DIP2C: variants seen among roughly 807,000 people sequenced by gnomAD.
The protein encoded by DIP2C is disco-interacting protein 2 homolog C.
A neutral mutation model predicts 192.4 loss-of-function variants in DIP2C; 33 were observed. The observed-to-expected ratio is 0.17, with a 90% CI of 0.13 to 0.23. DIP2C has a LOEUF of 0.23. Ranked by LOEUF, DIP2C falls within the 10% of genes least tolerant of loss-of-function variation. DIP2C has a pLI of 1.00. For missense variants in DIP2C, 1,537 were observed against 2,110.1 expected, an observed-to-expected ratio of 0.73 and a Z score of 5.32; for synonymous variants, 979 against 864.1, an observed-to-expected ratio of 1.13 and a Z score of -2.33.
intron 1 of DIP2C, among the ~76,000 whole-genome samples, chr10:612,774 G>A (rs1295109642): frequency 6.6e-6 from 1 of 152,148 alleles, no homozygotes; most frequent in Non-Finnish European, 1.5e-5. Flanking sequence ...TCATTGCTTT[G>A]AACAGAGTCT....
chr10:408,900 G>T, intron 9 of DIP2C, 26 bp downstream of exon 9: 1 of 1,610,596 alleles, frequency 6.2e-7, no homozygotes, highest in East Asian at 2.2e-5. Flanking sequence ...GTGTTTTGTA[G>T]ATCCAGCAGT....
intron 31 of DIP2C, among the ~76,000 whole-genome samples, chr10:321,636 CCGGCGAGAGACCGGCGCTGTTAGAA>C (rs1564551714): frequency 3.7e-4 from 39 of 105,832 alleles, no homozygotes; most frequent in East Asian, 1.3e-3. Flanking sequence ...GTGCGGGGCT[CCGGCGAGAGACCGGCGCTGTTAGAA>C]CAGTCAGTCG....
intron 28 of DIP2C, among the ~76,000 whole-genome samples, chr10:342,312 C>T (rs1293189626): frequency 1.3e-5 from 2 of 152,204 alleles, no homozygotes; most frequent in Non-Finnish European, 2.9e-5. Flanking sequence ...GCGCCCGCCA[C>T]CACGCCCGGC....
At chr10:448,803 G>A (rs1375658465) in intron 3 of DIP2C, among the ~76,000 whole-genome samples, 1 of 144,690 alleles carries the variant, frequency 6.9e-6, no homozygotes, top group Non-Finnish European at 1.5e-5. Flanking sequence ...CAGTGGGGCA[G>A]CAGGACCCAC....
At chr10:395,353 G>A (rs1331825927) in intron 10 of DIP2C, among the ~76,000 whole-genome samples, 1 of 152,122 alleles carries the variant, frequency 6.6e-6, no homozygotes, top group Non-Finnish European at 1.5e-5. Context: ...TAATCAGTTT[G>A]ATAAACATTC....
intron 1 of DIP2C, among the ~76,000 whole-genome samples, chr10:579,021 G>A (rs192187507): frequency 2.5e-4 from 38 of 152,048 alleles, no homozygotes; most frequent in East Asian, 1.4e-3. Context: ...GTGGTAGAGC[G>A]TACATACATC....
At chr10:374,105 TGTGTGG>T (rs765657192) in intron 17 of DIP2C, among the ~76,000 whole-genome samples, 1 of 152,236 alleles carries the variant, frequency 6.6e-6, no homozygotes, top group Non-Finnish European at 1.5e-5. Flanking sequence ...CATGTGTCTG[TGTGTGG>T]GTGTGCATCT....
intron 32 of DIP2C, among the ~76,000 whole-genome samples, chr10:294,170 G>A (rs72772826): frequency 0.017 from 2,537 of 152,272 alleles, 18 homozygotes; most frequent in Non-Finnish European, 0.027. Flanking sequence ...ATTTGCAGGT[G>A]TGGACTGAGC....
intron 17 of DIP2C, among the ~76,000 whole-genome samples, chr10:371,120 A>T (rs564880059): frequency 2.0e-5 from 3 of 152,134 alleles, no homozygotes; most frequent in African/African-American, 7.2e-5. Flanking sequence ...AAATGAAAAC[A>T]CAGGTGTTGT....
rs117131405 is a variant in DIP2C at position 377,967 on chromosome 10, C to T, written c.1991+4680G>A. 6.1e-3 allele frequency among the ~76,000 whole-genome samples: 934 copies of T among 152,222 alleles called. 4 individuals are homozygous for T. The highest frequency in any genetic ancestry group is 0.014 in the East Asian group (72 of 5,184). ...TTTCAGTTCAATAAACATTTCACAA[C>T]GTAGCTTTAAGAAAATCAAGTCTAT... On this transcript the variant is annotated intron_variant, in intron 17 of 36. Coordinates refer to ENST00000280886, the MANE Select transcript of DIP2C (RefSeq NM_014974.3).
At position 290,994 on chromosome 10, in the gene DIP2C, G is replaced by A. The variant is rs566347148; in HGVS notation, c.3987-2573C>T. On this transcript the variant is annotated intron_variant, in intron 32 of 36. Transcript: ENST00000280886. ...AGGCTCTGGAGTTATAAAAGTGATG[G>A]GCAAATGCCCCAGGGCTCTGCCAGG... 9.2e-5 allele frequency among the ~76,000 whole-genome samples: 14 copies of A among 152,318 alleles called. No individual in the cohort carries two copies. In the South Asian group the frequency reaches 1.9e-3, roughly 20 times the overall value.
rs771040937 is a variant in DIP2C, at chr10:362,905, TAAA to T, written c.2593-217_2593-215del. Among the ~76,000 whole-genome samples the T allele has an allele frequency of 9.2e-5, 14 of 151,934 alleles. 1 individual carries two copies. Among genetic ancestry groups the T allele is most frequent in the Middle Eastern group, 3.4e-3 (1 of 294 alleles). On this transcript the variant is annotated intron_variant, in intron 21 of 36. Transcript: ENST00000280886. ...AGGGCTTGTGGAAGACCATACACAG[TAAA>T]AAAGGAACTTTGGAGAAAAGATAAC...
At chr10:377,909 G>A (rs1256025528) in intron 17 of DIP2C, among the ~76,000 whole-genome samples, 3 of 152,090 alleles carry the variant, frequency 2.0e-5, no homozygotes, top group African/African-American at 7.2e-5. Context: ...TATCCAAATA[G>A]TACTTTGTAG....
intron 2 of DIP2C, among the ~76,000 whole-genome samples, chr10:480,813 G>A (rs1843548029): frequency 6.6e-6 from 1 of 152,242 alleles, no homozygotes; most frequent in African/African-American, 2.4e-5. Flanking sequence ...ACCCTGTGAA[G>A]TGCCGACGGG....
At chr10:522,806 C>T (rs971145348) in intron 1 of DIP2C, among the ~76,000 whole-genome samples, 1 of 152,232 alleles carries the variant, frequency 6.6e-6, no homozygotes, top group Admixed American at 6.5e-5. Flanking sequence ...TTTGTAGATA[C>T]GTTCTCCCCG....
intron 9 of DIP2C, among the ~76,000 whole-genome samples, chr10:406,112 T>G (rs960118352): frequency 2.0e-5 from 3 of 152,236 alleles, no homozygotes; most frequent in Non-Finnish European, 2.9e-5. Context: ...GTGATTATTA[T>G]CATATGGAAA....
At chr10:405,944 T>G (rs1964775211) in intron 9 of DIP2C, among the ~76,000 whole-genome samples, 2 of 152,212 alleles carry the variant, frequency 1.3e-5, no homozygotes, top group South Asian at 2.1e-4. Context: ...CCTTCTCAGA[T>G]AATCTTTCCT....
intron 1 of DIP2C, among the ~76,000 whole-genome samples, chr10:579,735 A>G (rs1472567279): frequency 6.6e-6 from 1 of 152,096 alleles, no homozygotes; most frequent in East Asian, 1.9e-4. Context: ...AATACAGCAT[A>G]CATAGGTACA....
intron 3 of DIP2C, among the ~76,000 whole-genome samples, chr10:451,074 G>A (rs914366178): frequency 2.0e-5 from 3 of 152,174 alleles, no homozygotes; most frequent in African/African-American, 7.2e-5. Flanking sequence ...GCACCGGGCT[G>A]TGCTCCCCAG....
Sources: allele counts gnomAD v4.1 joint callset (sites outside exome capture counted in the v4.1 genomes callset), GRCh38; gene constraint gnomAD v4.1.1; transcripts MANE v1.5; gene names NCBI Gene and HGNC (gene_info 2026-07-23, HGNC 2026-07-21).